The following KDM5B variants were observed in gnomAD, a reference collection of about 807,000 sequenced individuals.
KDM5B encodes the protein lysine-specific demethylase 5B.
KDM5B carries 144 observed loss-of-function variants against 193.4 expected under a neutral mutation model. The ratio of observed to expected loss-of-function variants is 0.74; its 90% CI spans 0.65 to 0.86. KDM5B has a LOEUF of 0.86. Among genes scored for constraint, KDM5B ranks in the 40% least tolerant of loss-of-function variants. The pLI is 0.00. For synonymous variants in KDM5B, 668 were observed against 682.6 expected, an observed-to-expected ratio of 0.98 and a Z score of 0.33; for missense variants, 1,833 against 1,886.9, an observed-to-expected ratio of 0.97 and a Z score of 0.53.
At chr1:202,780,511 A>G (rs555850661) in intron 1 of KDM5B, among the ~76,000 whole-genome samples, 1 of 152,170 alleles carries the variant, frequency 6.6e-6, no homozygotes, top group Non-Finnish European at 1.5e-5. Context: ...ATTTTCTGAT[A>G]GGAATTTACA....
At chr1:202,797,295 AT>A (rs1657889708) in intron 1 of KDM5B, among the ~76,000 whole-genome samples, 1 of 151,964 alleles carries the variant, frequency 6.6e-6, no homozygotes, top group Non-Finnish European at 1.5e-5. Context: ...TGCTGCTTCC[AT>A]CCTGGGGATC....
chr1:202,808,141 T>C lies in KDM5B; in HGVS notation c.165A>G (p.Ile55Met), dbSNP rs774374972. Residue 55 changes from isoleucine (I) to methionine (M), a missense_variant, in exon 1 of 27, where the codon ATA (isoleucine) becomes ATG (methionine). Around this residue, in one of 3 missense-constraint regions of KDM5B, gnomAD observed 355 missense variants for 374.9 expected, o/e 0.95. Transcript: ENST00000367265. ...CCTTACAGATGCCAGTCTGCTCGGC[T>C]ATGGGCCGGATCTTGTGGATGAAAG... ...PFAFIHKIRP[I>M]AEQTGICKVR... The C allele has an allele frequency of 1.9e-6, 3 of 1,612,872 alleles. No individual in the cohort carries two copies. Among genetic ancestry groups the C allele is most frequent in the East Asian group, 4.5e-5 (2 of 44,828 alleles).
intron 25 of KDM5B, 100 bp from the exon 26 acceptor site, chr1:202,730,127 C>T: frequency 9.6e-7 from 1 of 1,037,402 alleles, no homozygotes; most frequent in Non-Finnish European, 1.4e-6. Context: ...TCAGATGATC[C>T]CCCAATCTAC....
intron 1 of KDM5B, among the ~76,000 whole-genome samples, chr1:202,784,878 A>T (rs779918872): frequency 2.6e-5 from 4 of 152,170 alleles, no homozygotes; most frequent in African/African-American, 9.7e-5. Flanking sequence ...TACAAAAAAT[A>T]CAAAAATTGG....
rs542983923 is a variant in KDM5B, at chr1:202,742,654, C to G, written c.2474+1G>C. 3 of 1,613,912 alleles carry G rather than the reference C, an allele frequency of 1.9e-6. No individual in the cohort carries two copies. The highest frequency in any genetic ancestry group is 2.5e-6 in the Non-Finnish European group (3 of 1,179,894). On this transcript the variant is annotated splice_donor_variant, in intron 17 of 26. Coordinates refer to ENST00000367265, the MANE Select transcript of KDM5B (RefSeq NM_006618.5). LOFTEE classifies it high-confidence loss of function. ...AAACTCACGCAGTCAGAAGCGCATA[C>G]CTAGTTTGCCTTTTGCCATTAAGCA... is the stretch of plus-strand genomic sequence containing the variant.
intron 25 of KDM5B, 118 bp downstream of exon 25, chr1:202,730,791 A>G: frequency 1.1e-6 from 1 of 939,158 alleles, no homozygotes; most frequent in South Asian, 2.0e-5. Flanking sequence ...AAAATGGGTC[A>G]TCCTCAGTCT....
At chr1:202,735,699 T>C (rs2102220358) in intron 21 of KDM5B, 112 bp from the exon 22 acceptor site, 1 of 990,220 alleles carries the variant, frequency 1.0e-6, no homozygotes. Context: ...TTTCTTAGTA[T>C]TGAAGATTTT....
intron 14 of KDM5B, among the ~76,000 whole-genome samples, chr1:202,747,524 A>T (rs1328477016): frequency 6.6e-6 from 1 of 151,666 alleles, no homozygotes; most frequent in African/African-American, 2.4e-5. Context: ...AATGGGCTGC[A>T]GAGAGCCAAT....
At chr1:202,746,079 CATT>C in intron 15 of KDM5B, 60 bp downstream of exon 15, 1 of 1,577,138 alleles carries the variant, frequency 6.3e-7, no homozygotes, top group Non-Finnish European at 8.7e-7. Context: ...ACTGCGGTAT[CATT>C]GAGCTTTTAG....
chr1:202,732,190 C>T (rs1654913526), intron 23 of KDM5B: 1 of 434,304 alleles, frequency 2.3e-6, no homozygotes, highest in Non-Finnish European at 4.1e-6. Context: ...TAAAGAAGGC[C>T]ACTGGGAAAT....
chr1:202,731,949 G>A lies in KDM5B; in HGVS notation c.3910-10C>T. On this transcript the variant is annotated splice_polypyrimidine_tract_variant and intron_variant, in intron 23 of 26. Coordinates refer to ENST00000367265, the MANE Select transcript of KDM5B (RefSeq NM_006618.5). ...CAGGAGGTTGAGATACCTAATGGAG[G>A]GAAAACGTTTTATAATAAAATCTCT... is the stretch of plus-strand genomic sequence containing the variant. 4 of 1,565,312 alleles carry A rather than the reference G, an allele frequency of 2.6e-6. No individual in the cohort carries two copies. Among genetic ancestry groups the A allele is most frequent in the African/African-American group, 1.4e-5 (1 of 73,338 alleles).
chr1:202,760,833 A>G (rs1218032193), intron 7 of KDM5B, among the ~76,000 whole-genome samples: 1 of 152,222 alleles, frequency 6.6e-6, no homozygotes, highest in African/African-American at 2.4e-5. Flanking sequence ...TGTTATTTAA[A>G]GACCTAGTTT....
At chr1:202,740,019 C>G (rs958970128) in intron 20 of KDM5B, among the ~76,000 whole-genome samples, 3 of 152,220 alleles carry the variant, frequency 2.0e-5, no homozygotes, top group African/African-American at 7.2e-5. Flanking sequence ...GGTGGCCGGG[C>G]AGAGGAGCTC....
Position 202,773,306 on chromosome 1 carries a change from T to C in KDM5B, c.406-18A>G. 6.2e-7 allele frequency: 1 copy of C among 1,611,228 alleles called. No individual in the cohort carries two copies. Among genetic ancestry groups the C allele is most frequent in the Non-Finnish European group, 8.5e-7 (1 of 1,178,196 alleles). On this transcript the variant is annotated intron_variant, in intron 3 of 26. Coordinates refer to ENST00000367265, the MANE Select transcript of KDM5B (RefSeq NM_006618.5). ...GCAACTAACTGTTAAAATAGCAAAATTAGAAACAACTATATGGAAGTCACT... is the reference window on the plus strand; with the variant it reads ...GCAACTAACTGTTAAAATAGCAAAACTAGAAACAACTATATGGAAGTCACT...
intron 15 of KDM5B, 61 bp downstream of exon 15, chr1:202,746,081 T>C: frequency 6.3e-7 from 1 of 1,579,814 alleles, no homozygotes; most frequent in Middle Eastern, 1.7e-4. Flanking sequence ...TGCGGTATCA[T>C]TGAGCTTTTA....
intron 1 of KDM5B, among the ~76,000 whole-genome samples, chr1:202,778,991 T>C (rs2102307971): frequency 6.6e-6 from 1 of 152,212 alleles, no homozygotes; most frequent in South Asian, 2.1e-4. Context: ...CGGAACAGGC[T>C]TTACAGTAGA....
rs749389371 is a variant in KDM5B at position 202,729,871 on chromosome 1, C to T, written c.4333G>A (p.Asp1445Asn). 12 of 1,614,166 alleles carry T rather than the reference C, an allele frequency of 7.4e-6. No homozygotes were observed. Among genetic ancestry groups the T allele is most frequent in the South Asian group, 1.1e-5 (1 of 91,084 alleles). The part of the protein sequence containing the change: ...KKKIKLSHPK[D>N]MNNFKLERER... ...CTCTCTAACTTGAAATTGTTCATGT[C>T]CTTGGGGTGGCTCAGTTTGATTTTC... The change falls in exon 26 of 27, where the codon GAC becomes AAC. Residue 1445 changes from aspartate (D) to asparagine (N), a missense_variant. Physicochemically the swap from Asp to Asn is conservative, Grantham distance 23. Around this residue, in one of 3 missense-constraint regions of KDM5B, gnomAD observed 1,379 missense variants for 1,349.6 expected, o/e 1.02. Coordinates refer to ENST00000367265, the MANE Select transcript of KDM5B (RefSeq NM_006618.5).
chr1:202,741,089 C>A (rs1024686311), intron 19 of KDM5B, among the ~76,000 whole-genome samples: 1 of 152,022 alleles, frequency 6.6e-6, no homozygotes, highest in South Asian at 2.1e-4. Flanking sequence ...CTCAAAGACA[C>A]GATATTAACA....
chr1:202,730,150 T>A (rs756907963), intron 25 of KDM5B, 123 bp from the exon 26 acceptor site: 21 of 864,158 alleles, frequency 2.4e-5, no homozygotes, highest in Non-Finnish European at 3.3e-5. Context: ...GGGAAAAAAA[T>A]ACTGCATCTT....
Sources: allele counts gnomAD v4.1 joint callset (sites outside exome capture counted in the v4.1 genomes callset), GRCh38; gene constraint gnomAD v4.1.1; regional missense constraint gnomAD v4.1.1; transcripts MANE v1.5; gene names NCBI Gene and HGNC (gene_info 2026-07-23, HGNC 2026-07-21).